The following AFF2 variants were observed in gnomAD, a reference collection of about 807,000 sequenced individuals.
AFF2 encodes ALF transcription elongation factor 2, also known as AF4/FMR2 family member 2.
In AFF2, 14 loss-of-function variants were observed where a neutral mutation model predicts 76.9. The ratio of observed to expected loss-of-function variants is 0.18; its 90% CI spans 0.12 to 0.28. AFF2 has a LOEUF of 0.28. Ranked by LOEUF, AFF2 falls within the 10% of genes least tolerant of loss-of-function variation. The probability of loss-of-function intolerance (pLI) is 1.00; values close to 1 mark genes in which losing one functional copy is unlikely to be tolerated. For synonymous variants in AFF2, 398 were observed against 366.7 expected (o/e 1.09, Z -0.98); for missense variants, 868 against 1,001.1 (o/e 0.87, Z 1.79).
intron 9 of AFF2, among the ~76,000 whole-genome samples, chrX:148,941,978 G>A (rs1382843569): frequency 9.1e-6 from 1 of 109,509 alleles, no homozygotes; most frequent in African/African-American, 3.3e-5. Flanking sequence ...TATCATGCCG[G>A]TCACCCTGGG....
intron 3 of AFF2, among the ~76,000 whole-genome samples, chrX:148,692,070 A>G (rs2054658933): frequency 9.5e-6 from 1 of 105,819 alleles, no homozygotes; most frequent in Non-Finnish European, 1.9e-5. Context: ...CCTGATTTGT[A>G]GATGTGATAG....
At chrX:148,781,821 C>T (rs2069749128) in intron 3 of AFF2, among the ~76,000 whole-genome samples, 2 of 111,778 alleles carry the variant, frequency 1.8e-5, no homozygotes, top group African/African-American at 6.5e-5. Context: ...ACCCAGGGCC[C>T]TTGTGGTGTA....
chrX:148,700,716 C>T (rs1429630847), intron 3 of AFF2, among the ~76,000 whole-genome samples: 1 of 110,432 alleles, frequency 9.1e-6, no homozygotes, highest in Non-Finnish European at 1.9e-5. Context: ...TCTGTAGACT[C>T]AATTATTTTT....
At chrX:148,807,854 G>A (rs781840141) in intron 3 of AFF2, among the ~76,000 whole-genome samples, 20 of 112,513 alleles carry the variant, frequency 1.8e-4, no homozygotes, top group Non-Finnish European at 3.6e-4. Context: ...ATTTGCAGTT[G>A]AGAATTACCA....
At position 148,997,043 on chromosome X, in the gene AFF2, A is replaced by G. The variant is rs200859798; in HGVS notation, c.*5711A>G. 3.6e-5 allele frequency: 4 copies of G among 112,002 alleles called. No individual in the cohort carries two copies. The East Asian group carries it at 1.1e-3, about 31-fold the overall frequency. The allele number at this position is 112,002 out of a possible 1,213,427, so 9.2% of individuals were successfully genotyped here. A position where few individuals can be genotyped will look rare whatever the true frequency, so the allele number is the denominator to read the frequency against. ...TTCTCCCACCTTCACATTGTTGTTC[A>G]TAAGAATTTTACTTTAGTTATTAGG... On this transcript the variant is annotated 3_prime_UTR_variant, in exon 21 of 21. Transcript: ENST00000370460.
intron 7 of AFF2, among the ~76,000 whole-genome samples, chrX:148,869,651 C>T (rs1557277156): frequency 9.0e-6 from 1 of 111,588 alleles, no homozygotes; most frequent in African/African-American, 3.3e-5. Flanking sequence ...GGGGCAAAGC[C>T]CTGTATTAGT....
rs144070604 is a variant in AFF2 at position 148,607,926 on chromosome X, C to A, written c.48-44073C>A. Among the ~76,000 whole-genome samples the A allele has an allele frequency of 4.2e-3, 471 of 111,942 alleles. 10 individuals are homozygous for A. The highest frequency in any genetic ancestry group is 0.032 in the Admixed American group (343 of 10,580). On this transcript the variant is annotated intron_variant, in intron 1 of 20. Transcript: ENST00000370460. The stretch of plus-strand genomic sequence containing the variant: ...AATGTTGCCTATTTGCCATGTGCAG[C>A]TTTTCAACAGAATAATACAATGAGT...
intron 9 of AFF2, among the ~76,000 whole-genome samples, chrX:148,911,809 G>A (rs1036172950): frequency 8.9e-6 from 1 of 112,231 alleles, no homozygotes; most frequent in Non-Finnish European, 1.9e-5. Context: ...TAGTTCAGCC[G>A]TTGTGGATAG....
rs1603220320 is a variant in AFF2 at position 148,501,007 on chromosome X, C to A, written c.-91C>A. On this transcript the variant is annotated 5_prime_UTR_variant, in exon 1 of 21. Coordinates refer to ENST00000370460, the MANE Select transcript of AFF2 (RefSeq NM_002025.4). ...GCGGGAGGGCTGGAGAGCCGGGGGC[C>A]GCCGAGAACCGCCAGCGAGCTGTGC... 4.7e-6 allele frequency: 5 copies of A among 1,068,704 alleles called. No individual in the cohort carries two copies. In the African/African-American group the frequency reaches 5.7e-5, roughly 12 times the overall value. The allele number at this position is 1,068,704 out of a possible 1,213,427, so 88.1% of individuals were successfully genotyped here.
rs1173983305 is a variant in AFF2 at position 148,500,932 on chromosome X, C to G, written c.-166C>G. The G allele has an allele frequency of 8.5e-6, 5 of 589,310 alleles. No individual in the cohort carries two copies. The highest frequency in any genetic ancestry group is 1.3e-5 in the Non-Finnish European group (5 of 399,772). 48.6% of individuals were successfully genotyped at this position (589,310 alleles called of 1,213,427 possible). The stretch of plus-strand genomic sequence containing the variant: ...CCTCGCCGGAGCACAGGACCAGACA[C>G]CTCCAGCGCCCGCTGCTGCTGCCGA... On this transcript the variant is annotated 5_prime_UTR_variant, in exon 1 of 21. Coordinates refer to ENST00000370460, the MANE Select transcript of AFF2 (RefSeq NM_002025.4).
chrX:148,518,813 T>C (rs186629420), intron 1 of AFF2, among the ~76,000 whole-genome samples: 1 of 111,915 alleles, frequency 8.9e-6, no homozygotes, highest in African/African-American at 3.2e-5. Context: ...TGTTGGAAAA[T>C]GATGCTCAAA....
intron 7 of AFF2, among the ~76,000 whole-genome samples, chrX:148,851,363 T>C (rs1363764546): frequency 1.6e-4 from 18 of 112,595 alleles, no homozygotes; most frequent in Non-Finnish European, 5.6e-5. Context: ...AGCTATTTGA[T>C]TGACATCTAC....
intron 1 of AFF2, chrX:148,547,485 A>G (rs2052935388): frequency 8.9e-6 from 1 of 112,223 alleles, no homozygotes; most frequent in Non-Finnish European, 1.9e-5. Context: ...GAAAGTAAGA[A>G]GGATTTGGCT....
chrX:148,762,480 A>ATATGTGTGTG (rs1557267400), intron 3 of AFF2, among the ~76,000 whole-genome samples: 1 of 92,560 alleles, frequency 1.1e-5, no homozygotes, highest in East Asian at 3.2e-4. Context: ...ACATATGTAT[A>ATATGTGTGTG]TGTGTGTGTG....
chrX:148,635,882 A>G (rs1162470083), intron 1 of AFF2, among the ~76,000 whole-genome samples: 2 of 110,511 alleles, frequency 1.8e-5, no homozygotes, highest in African/African-American at 3.3e-5. Context: ...CACCACTCAT[A>G]GGATTCTGTA....
intron 3 of AFF2, among the ~76,000 whole-genome samples, chrX:148,738,932 G>A (rs782627030): frequency 1.8e-5 from 2 of 111,978 alleles, no homozygotes; most frequent in East Asian, 2.8e-4. Context: ...TGTATTTGAA[G>A]GTTCCTTTTG....
chrX:148,574,585 T>C (rs1557243067), intron 1 of AFF2, among the ~76,000 whole-genome samples: 1 of 111,220 alleles, frequency 9.0e-6, no homozygotes, highest in East Asian at 2.9e-4. Flanking sequence ...TCAAATTGTT[T>C]AGGGAAGGGG....
intron 7 of AFF2, among the ~76,000 whole-genome samples, chrX:148,876,196 G>A (rs1450576861): frequency 2.7e-5 from 3 of 111,771 alleles, no homozygotes; most frequent in Non-Finnish European, 3.8e-5. Flanking sequence ...TGATTCCTAC[G>A]TGCTAGGGGT....
In AFF2 at chrX:148,956,054, G is replaced by A. The variant is rs1569557647; in HGVS notation, c.2009G>A (p.Arg670His). The stretch of plus-strand genomic sequence containing the variant: ...GAGCTTCATGACCCACCAAGAGGCC[G>A]CAACAAAGCCACTGCCCACAAACCA... ...SVELHDPPRG[R>H]NKATAHKPAP... The change falls in exon 11 of 21, where the codon CGC (arginine) becomes CAC (histidine). Residue 670 changes from arginine to histidine, a missense_variant. Coordinates refer to ENST00000370460, the MANE Select transcript of AFF2 (RefSeq NM_002025.4). The A allele has an allele frequency of 9.1e-6, 11 of 1,208,481 alleles. No individual in the cohort carries two copies. Among genetic ancestry groups the A allele is most frequent in the South Asian group, 3.5e-5 (2 of 56,586 alleles).
Sources: allele counts gnomAD v4.1 joint callset (sites outside exome capture counted in the v4.1 genomes callset), GRCh38; gene constraint gnomAD v4.1.1; transcripts MANE v1.5; gene names NCBI Gene and HGNC (gene_info 2026-07-23, HGNC 2026-07-21).